Variants in RANBP17 observed in about 807,000 individuals in gnomAD.
RANBP17 encodes RAN binding protein 17.
In RANBP17, 158 loss-of-function variants were observed where a neutral mutation model predicts 141.2. That is an observed-to-expected ratio of 1.12 (90% confidence interval 0.98 to 1.28). The LOEUF (loss-of-function observed/expected upper bound fraction) is 1.28. RANBP17 is among the 50% of genes most tolerant of loss of function. The probability of loss-of-function intolerance (pLI) is 0.00; values close to 1 mark genes in which losing one functional copy is unlikely to be tolerated. For synonymous variants in RANBP17, 430 were observed against 450.0 expected, an observed-to-expected ratio of 0.96 and a Z score of 0.56; for missense variants, 1,438 against 1,290.7, an observed-to-expected ratio of 1.11 and a Z score of -1.75.
intron 14 of RANBP17, among the ~76,000 whole-genome samples, chr5:171,153,313 A>G (rs17073384): frequency 0.066 from 10,061 of 152,284 alleles, 448 homozygotes; most frequent in East Asian, 0.12. Context: ...GTACATTAGA[A>G]AAAGATTTAT....
chr5:171,126,401 A>G (rs150146018), intron 14 of RANBP17, among the ~76,000 whole-genome samples: 1 of 152,324 alleles, frequency 6.6e-6, no homozygotes, highest in African/African-American at 2.4e-5. Context: ...CAAATGATGC[A>G]CATCAAGGAA....
At chr5:171,037,881 G>C (rs576924157) in intron 14 of RANBP17, among the ~76,000 whole-genome samples, 23 of 152,116 alleles carry the variant, frequency 1.5e-4, no homozygotes, top group Non-Finnish European at 3.4e-4. Flanking sequence ...TGTTCTTTTT[G>C]TTCAGGATTG....
chr5:171,145,445 A>G (rs1757973629), intron 14 of RANBP17, among the ~76,000 whole-genome samples: 1 of 152,168 alleles, frequency 6.6e-6, no homozygotes, highest in Non-Finnish European at 1.5e-5. Context: ...TTTCTTTAGT[A>G]TAAATTCTTA....
chr5:171,244,751 A>G lies in RANBP17; in HGVS notation c.2776+1931A>G, dbSNP rs544878098. Among the ~76,000 whole-genome samples the G allele has an allele frequency of 2.7e-3, 409 of 152,278 alleles. 1 individual carries two copies. Among genetic ancestry groups the G allele is most frequent in the African/African-American group, 9.1e-3 (378 of 41,556 alleles). On this transcript the variant is annotated intron_variant, in intron 24 of 27. Coordinates refer to ENST00000523189, the MANE Select transcript of RANBP17 (RefSeq NM_022897.5). ...CATGAACCCCCATGCCTGGACTTCA[A>G]TATTTTAATATTGAATTTTTAAATA...
Position 171,064,092 on chromosome 5 carries a change from A to T in RANBP17, c.1710+95715A>T, listed in dbSNP as rs1381355670. ...CCCCTTTCTTTGACTAGGAAAGGGAACTCCCTGACCCCTTGCACTTCTGGA... is the reference window on the plus strand; with the variant it reads ...CCCCTTTCTTTGACTAGGAAAGGGATCTCCCTGACCCCTTGCACTTCTGGA... On this transcript the variant is annotated intron_variant, in intron 14 of 27. Transcript: ENST00000523189. Among the ~76,000 whole-genome samples the T allele has an allele frequency of 2.6e-5, 4 of 152,152 alleles. No individual in the cohort carries two copies. In the East Asian group the frequency reaches 7.7e-4, roughly 29 times the overall value.
chr5:170,905,149 G>A (rs1222752921), intron 5 of RANBP17, among the ~76,000 whole-genome samples: 1 of 152,040 alleles, frequency 6.6e-6, no homozygotes, highest in African/African-American at 2.4e-5. Context: ...CTGTACAAGG[G>A]GAGTTTTCAG....
At chr5:170,985,032 GACAC>G (rs772084300) in intron 14 of RANBP17, among the ~76,000 whole-genome samples, 1 of 112,336 alleles carries the variant, frequency 8.9e-6, no homozygotes, top group East Asian at 3.1e-4. Flanking sequence ...TACACACACA[GACAC>G]ACAGGCACAC....
intron 11 of RANBP17, 148 bp downstream of exon 11, chr5:170,919,761 T>C: frequency 1.8e-6 from 1 of 562,948 alleles, no homozygotes; most frequent in Non-Finnish European, 3.0e-6. Context: ...ACCATCACAA[T>C]TGAGATATAG....
At chr5:171,297,074 C>G (rs1056420513) in intron 27 of RANBP17, among the ~76,000 whole-genome samples, 3 of 152,074 alleles carry the variant, frequency 2.0e-5, no homozygotes, top group Non-Finnish European at 2.9e-5. Flanking sequence ...AATGACAGAA[C>G]GCAGTGAAAC....
intron 18 of RANBP17, among the ~76,000 whole-genome samples, chr5:171,189,817 G>T (rs1182057783): frequency 5.3e-5 from 8 of 152,148 alleles, no homozygotes; most frequent in Non-Finnish European, 8.8e-5. Context: ...CTGGAACATG[G>T]CTGTCAGAAT....
intron 14 of RANBP17, among the ~76,000 whole-genome samples, chr5:171,021,621 G>C (rs1780862185): frequency 6.6e-6 from 1 of 152,134 alleles, no homozygotes. Flanking sequence ...AGCTCCATCA[G>C]GTCATTTATG....
intron 14 of RANBP17, among the ~76,000 whole-genome samples, chr5:171,096,011 C>T (rs1786661379): frequency 6.6e-6 from 1 of 152,064 alleles, no homozygotes; most frequent in African/African-American, 2.4e-5. Flanking sequence ...TTATTCTCAT[C>T]ATCTTCATGT....
intron 14 of RANBP17, among the ~76,000 whole-genome samples, chr5:170,986,388 T>G (rs1253743201): frequency 6.6e-6 from 1 of 151,948 alleles, no homozygotes; most frequent in Non-Finnish European, 1.5e-5. Flanking sequence ...AGTGCTCCAG[T>G]AGTGTAACTA....
intron 14 of RANBP17, among the ~76,000 whole-genome samples, chr5:171,010,110 T>C (rs1779932703): frequency 6.6e-6 from 1 of 152,156 alleles, no homozygotes; most frequent in South Asian, 2.1e-4. Context: ...CAAATTTGTA[T>C]GCAGGTTTCC....
At chr5:170,916,998 G>A (rs1772031945) in intron 9 of RANBP17, among the ~76,000 whole-genome samples, 1 of 152,168 alleles carries the variant, frequency 6.6e-6, no homozygotes, top group African/African-American at 2.4e-5. Flanking sequence ...TTACAGGCAT[G>A]AGCCACCATG....
intron 14 of RANBP17, among the ~76,000 whole-genome samples, chr5:170,978,833 A>G (rs1280257011): frequency 6.6e-6 from 1 of 152,138 alleles, no homozygotes; most frequent in Admixed American, 6.5e-5. Flanking sequence ...TGATTTGTGC[A>G]CTTCATATTT....
chr5:170,982,449 T>A (rs1183324687), intron 14 of RANBP17, among the ~76,000 whole-genome samples: 2 of 152,174 alleles, frequency 1.3e-5, no homozygotes, highest in Admixed American at 6.5e-5. Context: ...AGAATTAATA[T>A]TAAAACCATT....
At chr5:171,054,789 C>A (rs544191321) in intron 14 of RANBP17, among the ~76,000 whole-genome samples, 1 of 152,256 alleles carries the variant, frequency 6.6e-6, no homozygotes, top group East Asian at 1.9e-4. Flanking sequence ...TTTCCCCCCT[C>A]CCTTTTACAA....
At chr5:170,882,366 C>T (rs1301396960) in intron 3 of RANBP17, among the ~76,000 whole-genome samples, 2 of 152,154 alleles carry the variant, frequency 1.3e-5, no homozygotes. Flanking sequence ...AGATGTGAAC[C>T]ATCATGCCCG....
Sources: gnomAD v4.1 joint callset for allele counts (sites outside exome capture counted in the v4.1 genomes callset) on GRCh38, gnomAD v4.1.1 for gene constraint, MANE v1.5 for transcripts, NCBI Gene and HGNC (gene_info 2026-07-23, HGNC 2026-07-21) for gene names.